Variants in IFT74 observed in about 807,000 individuals in gnomAD.
IFT74 encodes the protein intraflagellar transport protein 74 homolog.
IFT74 carries 92 observed loss-of-function variants against 96.7 expected under a neutral mutation model. The observed-to-expected ratio is 0.95, with a 90% CI of 0.80 to 1.13. The LOEUF (loss-of-function observed/expected upper bound fraction) is 1.13. Among genes scored for constraint, IFT74 ranks in the 50% most tolerant of loss-of-function variants. The pLI, the probability that IFT74 is intolerant of heterozygous loss-of-function variation, is 0.00. For missense variants in IFT74, 811 were observed against 698.2 expected (o/e 1.16, Z -1.82); for synonymous variants, 223 against 213.2 (o/e 1.05, Z -0.40).
chr9:26,994,236 A>T (rs971068427), intron 8 of IFT74: 1 of 152,148 alleles, frequency 6.6e-6, no homozygotes, highest in African/African-American at 2.4e-5. Flanking sequence ...GTTTTACATA[A>T]ATCCTATTGT....
Position 27,064,569 on chromosome 9 carries a change from A to G in IFT74, c.*1833A>G, listed in dbSNP as rs1365517809. Among the ~76,000 whole-genome samples, 4 of 152,118 alleles carry G rather than the reference A, an allele frequency of 2.6e-5. No homozygotes were observed. In the East Asian group the frequency reaches 7.7e-4, roughly 29 times the overall value. ...CTTTTATACAGTAACAAACAGAGGT[A>G]TGATTGAGCATAGAGTTTAGGCAAG... On this transcript the variant is annotated 3_prime_UTR_variant, in exon 20 of 20. Coordinates refer to ENST00000380062, the MANE Select transcript of IFT74 (RefSeq NM_025103.4).
intron 16 of IFT74, among the ~76,000 whole-genome samples, chr9:27,054,184 T>C (rs1820057846): frequency 6.6e-6 from 1 of 152,218 alleles, no homozygotes; most frequent in Admixed American, 6.5e-5. Flanking sequence ...TCAAATTCAT[T>C]CATATTCATT....
chr9:26,949,003 T>A (rs906811765), intron 1 of IFT74, among the ~76,000 whole-genome samples: 1 of 152,230 alleles, frequency 6.6e-6, no homozygotes, highest in Non-Finnish European at 1.5e-5. Flanking sequence ...CCAGTTTATC[T>A]TCTGTTTTTT....
rs745628423 is a variant in IFT74 at position 26,980,563 on chromosome 9, T to C, written c.257-8T>C. 1.7e-5 allele frequency: 27 copies of C among 1,589,576 alleles called. No homozygotes were observed. The highest frequency in any genetic ancestry group is 3.3e-5 in the Admixed American group (2 of 59,936). On this transcript the variant is annotated splice_region_variant and splice_polypyrimidine_tract_variant and intron_variant, in intron 3 of 19. Transcript: ENST00000380062. ...CTGAACACTAACACTTAAAACATTTTTTTTTAGGTCCCCAGAGGCAAATTT... is the reference window on the plus strand; with the variant it reads ...CTGAACACTAACACTTAAAACATTTCTTTTTAGGTCCCCAGAGGCAAATTT...
chr9:26,948,597 G>T (rs530488895), intron 1 of IFT74, among the ~76,000 whole-genome samples: 1 of 151,268 alleles, frequency 6.6e-6, no homozygotes, highest in African/African-American at 2.4e-5. Flanking sequence ...CTCCCGAGTA[G>T]CTGGGACTAC....
rs757141641 is a variant in IFT74, at chr9:26,961,990, C to A, written c.23C>A (p.Ser8Ter). Residue 8 changes from serine to a stop codon, truncating the protein, a stop_gained, in exon 2 of 20, where the codon TCA becomes TAA. Coordinates refer to ENST00000380062, the MANE Select transcript of IFT74 (RefSeq NM_025103.4). LOFTEE classifies it high-confidence loss of function. ...ACAATGGCCAGCAATCACAAATCTT[C>A]AGCAGCTCGCCCTGTTTCAAGAGGT... MASNHKS[S>*]AARPVSRGGV... 2.5e-6 allele frequency: 4 copies of A among 1,614,032 alleles called. No homozygotes were observed. The African/African-American group carries it at 5.3e-5, about 22-fold the overall frequency.
At position 26,984,401 on chromosome 9, in the gene IFT74, A is replaced by G. The variant is rs376048619; in HGVS notation, c.404+46A>G. 56 of 1,579,976 alleles carry G rather than the reference A, an allele frequency of 3.5e-5. No individual in the cohort carries two copies. The African/African-American group carries it at 6.8e-4, about 19-fold the overall frequency. ...ATTCATTCAGTATTTTGTGCTTATAATACTAACTTTGTAGCTATCCATATT... is the reference window on the plus strand; with the variant it reads ...ATTCATTCAGTATTTTGTGCTTATAGTACTAACTTTGTAGCTATCCATATT... On this transcript the variant is annotated intron_variant, in intron 5 of 19. Transcript: ENST00000380062.
intron 18 of IFT74, among the ~76,000 whole-genome samples, chr9:27,059,578 T>A (rs987454031): frequency 6.6e-6 from 1 of 152,230 alleles, no homozygotes; most frequent in African/African-American, 2.4e-5. Flanking sequence ...TGCCAGAAAC[T>A]GCTGACTGCT....
At position 26,961,961 on chromosome 9, in the gene IFT74, A is replaced by G; in HGVS notation, c.-7A>G. Reference sequence around the variant, plus strand: ...TGTTTCCAAACAGCGATTAAAGTGAAGAAACAATGGCCAGCAATCACAAAT... The same window carrying G: ...TGTTTCCAAACAGCGATTAAAGTGAGGAAACAATGGCCAGCAATCACAAAT... On this transcript the variant is annotated 5_prime_UTR_variant, in exon 2 of 20. Coordinates refer to ENST00000380062, the MANE Select transcript of IFT74 (RefSeq NM_025103.4). The G allele has an allele frequency of 6.2e-7, 1 of 1,614,178 alleles. No individual in the cohort carries two copies. The highest frequency in any genetic ancestry group is 8.5e-7 in the Non-Finnish European group (1 of 1,179,998).
chr9:27,015,922 C>T (rs1283049637), intron 10 of IFT74, among the ~76,000 whole-genome samples: 3 of 152,156 alleles, frequency 2.0e-5, no homozygotes, highest in African/African-American at 7.2e-5. Flanking sequence ...TTAATCATCA[C>T]CAACACCATT....
intron 1 of IFT74, among the ~76,000 whole-genome samples, chr9:26,961,510 G>GA (rs1282300864): frequency 1.3e-5 from 2 of 152,114 alleles, no homozygotes; most frequent in East Asian, 3.9e-4. Flanking sequence ...TTGGACTACC[G>GA]AAAGTGTTAC....
At chr9:26,979,057 A>G (rs929726030) in intron 3 of IFT74, among the ~76,000 whole-genome samples, 1 of 152,088 alleles carries the variant, frequency 6.6e-6, no homozygotes, top group African/African-American at 2.4e-5. Context: ...CAGATGATCT[A>G]TCAGGAATGA....
chr9:26,957,536 A>AT (rs1252965082), intron 1 of IFT74, among the ~76,000 whole-genome samples: 3 of 152,236 alleles, frequency 2.0e-5, no homozygotes, highest in African/African-American at 2.4e-5. Context: ...TGATGTGAAC[A>AT]TATTCAAATG....
At chr9:27,020,752 G>T (rs1829562728) in intron 12 of IFT74, among the ~76,000 whole-genome samples, 1 of 152,144 alleles carries the variant, frequency 6.6e-6, no homozygotes, top group Non-Finnish European at 1.5e-5. Context: ...GGGTTTACAG[G>T]CGTGACCTAC....
rs1428421221 is a variant in IFT74 at position 27,066,050 on chromosome 9, A to C, written c.*3314A>C. Among the ~76,000 whole-genome samples, 1 of 152,228 alleles carries C rather than the reference A, an allele frequency of 6.6e-6. No homozygotes were observed. The highest frequency in any genetic ancestry group is 1.5e-5 in the Non-Finnish European group (1 of 68,038). On this transcript the variant is annotated 3_prime_UTR_variant, in exon 20 of 20. Coordinates refer to ENST00000380062, the MANE Select transcript of IFT74 (RefSeq NM_025103.4). ...ATCTCACCAGTCTTTTTAGATACGC[A>C]TCTATATTTATGTCACACATATCTG...
chr9:26,982,915 C>T (rs1827451913), intron 4 of IFT74, among the ~76,000 whole-genome samples: 1 of 152,098 alleles, frequency 6.6e-6, no homozygotes, highest in South Asian at 2.1e-4. Context: ...TTATATGTCT[C>T]TGGGGATGCA....
intron 3 of IFT74, 70 bp from the exon 4 acceptor site, chr9:26,980,501 T>C (rs77415495): frequency 2.2e-6 from 2 of 902,132 alleles, no homozygotes; most frequent in Admixed American, 3.4e-5. Flanking sequence ...GTAATTCTGA[T>C]TGTGCTTTGG....
At chr9:27,049,035 G>A (rs948587037) in intron 16 of IFT74, among the ~76,000 whole-genome samples, 1 of 151,970 alleles carries the variant, frequency 6.6e-6, no homozygotes, top group Non-Finnish European at 1.5e-5. Flanking sequence ...GTGAGTTCAC[G>A]CAAGATCTGG....
At chr9:27,012,506 T>C (rs1192456014) in intron 10 of IFT74, among the ~76,000 whole-genome samples, 2 of 152,034 alleles carry the variant, frequency 1.3e-5, no homozygotes, top group South Asian at 4.1e-4. Context: ...GCATGAGGCA[T>C]TGTGCTCAGC....
Sources: allele counts gnomAD v4.1 joint callset (sites outside exome capture counted in the v4.1 genomes callset), GRCh38; gene constraint gnomAD v4.1.1; transcripts MANE v1.5; gene names NCBI Gene and HGNC (gene_info 2026-07-23, HGNC 2026-07-21).